The following VPS4B variants were observed in gnomAD, a reference collection of about 807,000 sequenced individuals.
VPS4B encodes the protein vacuolar protein sorting-associated protein 4B.
Under a neutral mutation model 56.1 loss-of-function variants are expected in VPS4B, and 23 were observed. The ratio of observed to expected loss-of-function variants is 0.41; its 90% confidence interval spans 0.30 to 0.58. The LOEUF (loss-of-function observed/expected upper bound fraction) is 0.58. VPS4B is among the 20% of genes least tolerant of loss of function. The pLI is 0.29. For missense variants in VPS4B, 372 were observed against 531.9 expected (o/e 0.70, Z 2.96); for synonymous variants, 177 against 186.0 (o/e 0.95, Z 0.39).
chr18:63,393,009 G>C (rs978137505), intron 10 of VPS4B, among the ~76,000 whole-genome samples: 3 of 152,178 alleles, frequency 2.0e-5, no homozygotes, highest in African/African-American at 7.2e-5. Flanking sequence ...GCCTCCCAAA[G>C]TGCTGGGATT....
intron 4 of VPS4B, among the ~76,000 whole-genome samples, chr18:63,405,549 C>A: frequency 6.6e-6 from 1 of 152,056 alleles, no homozygotes; most frequent in Non-Finnish European, 1.5e-5. Context: ...ATTTCAAATA[C>A]ATTTCCTCAT....
rs371636642 is a variant in VPS4B, at chr18:63,401,918, G to A, written c.485-1215C>T. On this transcript the variant is annotated intron_variant, in intron 5 of 10. Transcript: ENST00000238497. ...TGAGGCAGGAGAATTGCTTGAACTC[G>A]GGAGGTGGAGGTTGCAGTGAAACGA... is the stretch of plus-strand genomic sequence containing the variant. Among the ~76,000 whole-genome samples, 236 of 152,186 alleles carry A rather than the reference G, an allele frequency of 1.6e-3. 2 individuals carry two copies. The highest frequency in any genetic ancestry group is 5.5e-3 in the African/African-American group (230 of 41,498).
chr18:63,403,848 T>A, intron 4 of VPS4B, 22 bp from the exon 5 acceptor site: 1 of 1,590,632 alleles, frequency 6.3e-7, no homozygotes, highest in East Asian at 2.2e-5. Context: ...TACGTTATCT[T>A]TAAATTAAGA....
At chr18:63,395,591 A>T (rs959992602) in intron 9 of VPS4B, among the ~76,000 whole-genome samples, 3 of 152,228 alleles carry the variant, frequency 2.0e-5, no homozygotes, top group Admixed American at 1.3e-4. Context: ...ATGGTACATG[A>T]TAAATATACG....
At chr18:63,411,382 G>T in intron 2 of VPS4B, 85 bp downstream of exon 2, 1 of 939,474 alleles carries the variant, frequency 1.1e-6, no homozygotes, top group South Asian at 3.4e-5. Flanking sequence ...AGAATTGTCT[G>T]GCATTATATT....
At chr18:63,399,967 T>A (rs747844920) in intron 7 of VPS4B, 81 bp downstream of exon 7, 80 of 1,346,334 alleles carry the variant, frequency 5.9e-5, no homozygotes, top group Non-Finnish European at 7.9e-5. Flanking sequence ...TGTAGTGAGC[T>A]GAGATCGCGC....
chr18:63,407,029 T>A (rs1915933928), intron 4 of VPS4B, among the ~76,000 whole-genome samples: 1 of 152,122 alleles, frequency 6.6e-6, no homozygotes. Flanking sequence ...AAACCATCAA[T>A]AAGTGAGCTA....
At chr18:63,404,324 T>G (rs1052762868) in intron 4 of VPS4B, among the ~76,000 whole-genome samples, 2 of 151,490 alleles carry the variant, frequency 1.3e-5, no homozygotes, top group African/African-American at 4.9e-5. Context: ...TAACTCAAGA[T>G]AGGCAGACAG....
At chr18:63,399,206 G>A in intron 8 of VPS4B, 36 bp downstream of exon 8, 1 of 1,506,684 alleles carries the variant, frequency 6.6e-7, no homozygotes, top group Non-Finnish European at 9.2e-7. Context: ...TGTTACATCT[G>A]CAGTGAGAAA....
At chr18:63,418,739 A>T (rs1916225867) in intron 1 of VPS4B, among the ~76,000 whole-genome samples, 1 of 152,002 alleles carries the variant, frequency 6.6e-6, no homozygotes. Context: ...CCAGGCTCCC[A>T]TTTCTCTCTC....
chr18:63,405,665 C>A (rs1335709366), intron 4 of VPS4B, among the ~76,000 whole-genome samples: 1 of 151,892 alleles, frequency 6.6e-6, no homozygotes, highest in Non-Finnish European at 1.5e-5. Flanking sequence ...CTATTAAAAA[C>A]TGGTTGTATC....
intron 1 of VPS4B, chr18:63,415,593 G>A: frequency 3.9e-6 from 1 of 256,144 alleles, no homozygotes; most frequent in Admixed American, 4.0e-5. Flanking sequence ...TGTGCCCTGA[G>A]TGAAGCAGTG....
At chr18:63,393,747 T>G (rs1346364722) in intron 9 of VPS4B, among the ~76,000 whole-genome samples, 198 bp from the exon 10 acceptor site, 1 of 151,504 alleles carries the variant, frequency 6.6e-6, no homozygotes, top group Non-Finnish European at 1.5e-5. Flanking sequence ...TGCTTTTAGT[T>G]TTTTTTTTGA....
At position 63,399,230 on chromosome 18, in the gene VPS4B, A is replaced by G. The variant is rs2276317; in HGVS notation, c.872+12T>C. 835,946 of 1,600,816 alleles carry G rather than the reference A, an allele frequency of 0.52. 224,487 individuals are homozygous for G. The highest frequency in any genetic ancestry group is 0.89 in the East Asian group (39,666 of 44,758). ...TGCAGTGAGAAATAAGATATTTACT[A>G]TATTATCCTACCTTCGCCTAATGGC... On this transcript the variant is annotated intron_variant, in intron 8 of 10. Coordinates refer to ENST00000238497, the MANE Select transcript of VPS4B (RefSeq NM_004869.4).
At position 63,389,932 on chromosome 18, in the gene VPS4B, C is replaced by T. The variant is rs896673339; in HGVS notation, c.*1043G>A. 6.6e-5 allele frequency: 10 copies of T among 152,604 alleles called. No homozygotes were observed. The highest frequency in any genetic ancestry group is 2.4e-4 in the African/African-American group (10 of 41,444). 9.5% of individuals were successfully genotyped at this position (152,604 alleles called of 1,614,324 possible). A position where few individuals can be genotyped will look rare whatever the true frequency, so the allele number is the denominator to read the frequency against. On this transcript the variant is annotated 3_prime_UTR_variant, in exon 11 of 11. Coordinates refer to ENST00000238497, the MANE Select transcript of VPS4B (RefSeq NM_004869.4). ...TTGGTCAATCTTGCTAAAAAAGACA[C>T]TGAAATAGACAATTTTCTTCTTTAA...
chr18:63,396,740 C>A, intron 9 of VPS4B: 1 of 339,540 alleles, frequency 2.9e-6, no homozygotes, highest in Non-Finnish European at 5.5e-6. Context: ...CAGTGGCTCA[C>A]GCCTTTGGGA....
chr18:63,409,096 C>G (rs1915977347), intron 3 of VPS4B, among the ~76,000 whole-genome samples: 1 of 152,208 alleles, frequency 6.6e-6, no homozygotes, highest in East Asian at 1.9e-4. Flanking sequence ...TAAGATCAGA[C>G]TATCATCTGA....
intron 8 of VPS4B, 80 bp downstream of exon 8, chr18:63,399,162 T>A: frequency 1.5e-6 from 2 of 1,332,446 alleles, no homozygotes; most frequent in South Asian, 2.5e-5. Flanking sequence ...TTAGAATGCT[T>A]CCTGACAAGA....
chr18:63,410,553 A>G lies in VPS4B; in HGVS notation c.140-107T>C, dbSNP rs184284050. On this transcript the variant is annotated intron_variant, in intron 2 of 10. Transcript: ENST00000238497. ...AGACAAGGAAATTCTATGTTGGAAG[A>G]AGGAGGGAAGATCATCTCTAACTCA... The G allele has an allele frequency of 7.2e-6, 10 of 1,382,992 alleles. No homozygotes were observed. The South Asian group carries it at 7.6e-5, about 11-fold the overall frequency. The allele number at this position is 1,382,992 out of a possible 1,614,324, so 85.7% of individuals were successfully genotyped here. A position where few individuals can be genotyped will look rare whatever the true frequency, so the allele number is the denominator to read the frequency against.
Sources: allele counts gnomAD v4.1 joint callset (sites outside exome capture counted in the v4.1 genomes callset), GRCh38; gene constraint gnomAD v4.1.1; transcripts MANE v1.5; gene names NCBI Gene and HGNC (gene_info 2026-07-23, HGNC 2026-07-21).